The following NALCN variants were observed in gnomAD, a reference collection of about 807,000 sequenced individuals.
NALCN encodes sodium leak channel, non-selective, also known as sodium leak channel NALCN.
NALCN carries 111 observed loss-of-function variants against 225.3 expected under a neutral mutation model. The ratio of observed to expected loss-of-function variants is 0.49; its 90% CI spans 0.42 to 0.58. NALCN has a LOEUF of 0.58. Among genes scored for constraint, NALCN ranks in the 20% least tolerant of loss-of-function variants. The pLI is 0.00. For synonymous variants in NALCN, 764 were observed against 769.0 expected, an observed-to-expected ratio of 0.99 and a Z score of 0.11; for missense variants, 1,378 against 2,202.4, an observed-to-expected ratio of 0.63 and a Z score of 7.49.
At position 101,393,916 on chromosome 13, in the gene NALCN, G is replaced by A. The variant is rs191632327; in HGVS notation, c.291+1267C>T. Among the ~76,000 whole-genome samples, 399 of 152,216 alleles carry A rather than the reference G, an allele frequency of 2.6e-3. 1 individual carries two copies. The highest frequency in any genetic ancestry group is 4.9e-3 in the Non-Finnish European group (331 of 68,010). On this transcript the variant is annotated intron_variant, in intron 3 of 43. Transcript: ENST00000251127. ...TGTGACAATATTAGGAAATATGAAC[G>A]GTGGGTTAAGTATTAGCCTACATTA...
At chr13:101,157,240 A>C (rs555303192) in intron 15 of NALCN, among the ~76,000 whole-genome samples, 1 of 152,234 alleles carries the variant, frequency 6.6e-6, no homozygotes, top group African/African-American at 2.4e-5. Context: ...GTACACATAC[A>C]TGTATTTCCC....
At chr13:101,225,950 T>G (rs2041124981) in intron 13 of NALCN, among the ~76,000 whole-genome samples, 1 of 152,084 alleles carries the variant, frequency 6.6e-6, no homozygotes, top group African/African-American at 2.4e-5. Context: ...CATCTACAGA[T>G]GGCATTACTC....
At position 101,364,923 on chromosome 13, in the gene NALCN, G is replaced by A. The variant is rs543689868; in HGVS notation, c.644+11777C>T. On this transcript the variant is annotated intron_variant, in intron 6 of 43. Coordinates refer to ENST00000251127, the MANE Select transcript of NALCN (RefSeq NM_052867.4). ...AGGAATCAAGAAGACGTCATAGACC[G>A]TTGCATGAATTTGGGGCAATTATGA... Among the ~76,000 whole-genome samples, 169 of 152,140 alleles carry A rather than the reference G, an allele frequency of 1.1e-3. 4 individuals are homozygous for A. The South Asian group carries it at 0.031, about 28-fold the overall frequency.
chr13:101,105,029 C>G (rs868820528), intron 22 of NALCN, 79 bp from the exon 23 acceptor site: 7 of 1,238,042 alleles, frequency 5.7e-6, no homozygotes, highest in Middle Eastern at 4.0e-4. Flanking sequence ...TTGCAAACAT[C>G]TCATCTACCT....
intron 18 of NALCN, among the ~76,000 whole-genome samples, chr13:101,112,429 T>C (rs374753512): frequency 6.6e-6 from 1 of 152,192 alleles, no homozygotes; most frequent in East Asian, 1.9e-4. Flanking sequence ...AAAAAAAAAT[T>C]ATTCTCCAGA....
intron 30 of NALCN, among the ~76,000 whole-genome samples, chr13:101,084,351 T>A (rs113935594): frequency 2.7e-4 from 41 of 152,352 alleles, no homozygotes; most frequent in Middle Eastern, 3.4e-3. Flanking sequence ...TTGATTAAAA[T>A]GCATATGATT....
intron 17 of NALCN, 106 bp downstream of exon 17, chr13:101,142,974 T>A: frequency 7.4e-7 from 1 of 1,354,576 alleles, no homozygotes; most frequent in Non-Finnish European, 1.1e-6. Flanking sequence ...TTATTTTCAT[T>A]ATTCTCTTGA....
At chr13:101,281,913 C>T (rs2043180832) in intron 10 of NALCN, among the ~76,000 whole-genome samples, 1 of 152,042 alleles carries the variant, frequency 6.6e-6, no homozygotes, top group Non-Finnish European at 1.5e-5. Context: ...AAAGTGCATA[C>T]GATCCCTAAT....
At chr13:101,117,183 C>A (rs1049992291) in intron 18 of NALCN, among the ~76,000 whole-genome samples, 1 of 152,178 alleles carries the variant, frequency 6.6e-6, no homozygotes, top group Non-Finnish European at 1.5e-5. Context: ...ACATGGGCGA[C>A]CAGAACTTCA....
chr13:101,170,814 T>C (rs1228565315), intron 15 of NALCN, among the ~76,000 whole-genome samples: 1 of 152,214 alleles, frequency 6.6e-6, no homozygotes, highest in African/African-American at 2.4e-5. Flanking sequence ...AGACTACCTA[T>C]ACTTCCCTTT....
chr13:101,204,927 C>T (rs988951956), intron 13 of NALCN, among the ~76,000 whole-genome samples: 8 of 152,044 alleles, frequency 5.3e-5, no homozygotes, highest in African/African-American at 1.9e-4. Flanking sequence ...AGCAATGACC[C>T]TGTGAAGTGA....
At chr13:101,312,713 G>A (rs2044392667) in intron 7 of NALCN, among the ~76,000 whole-genome samples, 1 of 152,172 alleles carries the variant, frequency 6.6e-6, no homozygotes, top group African/African-American at 2.4e-5. Context: ...TGATTGCACT[G>A]TGGTCTGAGA....
At chr13:101,210,915 C>CT (rs1288840635) in intron 13 of NALCN, among the ~76,000 whole-genome samples, 1 of 152,180 alleles carries the variant, frequency 6.6e-6, no homozygotes, top group East Asian at 1.9e-4. Flanking sequence ...CCATGAGAGA[C>CT]TGACAATAGA....
chr13:101,376,404 C>A (rs1383917054), intron 6 of NALCN, among the ~76,000 whole-genome samples: 1 of 152,078 alleles, frequency 6.6e-6, no homozygotes, highest in Non-Finnish European at 1.5e-5. Flanking sequence ...GTAGTCCCAG[C>A]TACTTGGCAG....
At chr13:101,083,996 A>G (rs113298724) in intron 30 of NALCN, among the ~76,000 whole-genome samples, 192 bp from the exon 31 acceptor site, 1 of 152,124 alleles carries the variant, frequency 6.6e-6, no homozygotes, top group Non-Finnish European at 1.5e-5. Flanking sequence ...CAAAATGATG[A>G]CCAGGTGTTT....
chr13:101,257,861 G>A (rs556412280), intron 11 of NALCN, among the ~76,000 whole-genome samples: 2 of 152,098 alleles, frequency 1.3e-5, no homozygotes, highest in South Asian at 2.1e-4. Flanking sequence ...TAAGAATCAG[G>A]TATTAACAAA....
At chr13:101,095,879 T>G (rs137924602) in intron 27 of NALCN, among the ~76,000 whole-genome samples, 199 bp from the exon 28 acceptor site, 1 of 152,202 alleles carries the variant, frequency 6.6e-6, no homozygotes, top group Non-Finnish European at 1.5e-5. Context: ...AGAATATTAC[T>G]TAAATGAGCA....
At chr13:101,221,859 T>C (rs992304563) in intron 13 of NALCN, among the ~76,000 whole-genome samples, 2 of 152,192 alleles carry the variant, frequency 1.3e-5, no homozygotes, top group African/African-American at 4.8e-5. Context: ...CTTACTTTCC[T>C]TCCTTGGATT....
intron 39 of NALCN, among the ~76,000 whole-genome samples, 187 bp downstream of exon 39, chr13:101,067,731 T>C (rs2032540416): frequency 6.6e-6 from 1 of 152,188 alleles, no homozygotes; most frequent in African/African-American, 2.4e-5. Flanking sequence ...TTGAAGATCA[T>C]GTAAGGAGGA....
Sources: gnomAD v4.1 joint callset for allele counts (sites outside exome capture counted in the v4.1 genomes callset) on GRCh38, gnomAD v4.1.1 for gene constraint, MANE v1.5 for transcripts, NCBI Gene and HGNC (gene_info 2026-07-23, HGNC 2026-07-21) for gene names.